The following SPIDR variants were observed in gnomAD, a reference collection of about 807,000 sequenced individuals.
The protein encoded by SPIDR is scaffold protein involved in DNA repair.
In SPIDR, 93 loss-of-function variants were observed where a neutral mutation model predicts 104.6. The observed-to-expected ratio is 0.89, with a 90% confidence interval of 0.75 to 1.06. SPIDR has a LOEUF of 1.06. Ranked by LOEUF, SPIDR falls within the 50% of genes least tolerant of loss-of-function variation. The probability of loss-of-function intolerance (pLI) is 0.00; values close to 1 mark genes in which losing one functional copy is unlikely to be tolerated. For missense variants in SPIDR, 1,154 were observed against 1,111.2 expected (o/e 1.04, Z -0.55); for synonymous variants, 431 against 416.9 (o/e 1.03, Z -0.41).
At chr8:47,467,859 C>T (rs564605260) in intron 8 of SPIDR, among the ~76,000 whole-genome samples, 298 of 152,202 alleles carry the variant, frequency 2.0e-3, no homozygotes, top group Non-Finnish European at 3.0e-3. Context: ...CTGGCCAGGA[C>T]AGTCAGGCAA....
intron 7 of SPIDR, among the ~76,000 whole-genome samples, chr8:47,427,451 C>A (rs2066601136): frequency 6.6e-5 from 10 of 152,056 alleles, no homozygotes; most frequent in Admixed American, 6.6e-4. Context: ...ATTAATACTT[C>A]TATGTCAGGA....
intron 10 of SPIDR, among the ~76,000 whole-genome samples, chr8:47,609,208 A>G (rs2063329206): frequency 6.6e-6 from 1 of 151,908 alleles, no homozygotes. Context: ...CACTTTTTTG[A>G]TAGTGTCCTT....
chr8:47,333,832 T>G (rs1334248546), intron 5 of SPIDR, among the ~76,000 whole-genome samples: 1 of 152,194 alleles, frequency 6.6e-6, no homozygotes, highest in African/African-American at 2.4e-5. Context: ...TCAGCTCCAT[T>G]GTAATCTTAC....
At position 47,327,231 on chromosome 8, in the gene SPIDR, G is replaced by A. The variant is rs114844112; in HGVS notation, c.525+33201G>A. ...AGCACTGTTTCATGTGGTGGTTGGT[G>A]ATCTGAATATCTTCTTGGAAAAAAT... On this transcript the variant is annotated intron_variant, in intron 5 of 19. Coordinates refer to ENST00000297423, the MANE Select transcript of SPIDR (RefSeq NM_001080394.4). Among the ~76,000 whole-genome samples, 761 of 152,174 alleles carry A rather than the reference G, an allele frequency of 5.0e-3. 8 individuals carry two copies. Among genetic ancestry groups the A allele is most frequent in the African/African-American group, 0.017 (721 of 41,496 alleles).
intron 10 of SPIDR, among the ~76,000 whole-genome samples, chr8:47,648,317 G>A (rs747073504): frequency 1.4e-4 from 22 of 152,228 alleles, no homozygotes; most frequent in Non-Finnish European, 3.1e-4. Context: ...AGAAAATTCA[G>A]GAGGGAGAAC....
intron 4 of SPIDR, 147 bp downstream of exon 4, chr8:47,291,284 T>C (rs2039856489): frequency 3.8e-6 from 2 of 528,118 alleles, no homozygotes. Context: ...AAACTTACAT[T>C]CCTTTCTAGT....
At chr8:47,300,713 G>T (rs1405254259) in intron 5 of SPIDR, among the ~76,000 whole-genome samples, 1 of 152,224 alleles carries the variant, frequency 6.6e-6, no homozygotes, top group Admixed American at 6.5e-5. Context: ...GTACCCAGCA[G>T]TCATTCAGGA....
chr8:47,404,848 A>G (rs2062491773), intron 6 of SPIDR, among the ~76,000 whole-genome samples: 1 of 152,228 alleles, frequency 6.6e-6, no homozygotes, highest in African/African-American at 2.4e-5. Flanking sequence ...CAATCCTATT[A>G]CTGGATATAT....
At chr8:47,343,071 T>C (rs1463667387) in intron 5 of SPIDR, among the ~76,000 whole-genome samples, 2 of 152,202 alleles carry the variant, frequency 1.3e-5, no homozygotes, top group Non-Finnish European at 2.9e-5. Context: ...GTTTTGAAGA[T>C]TGTAGCCTTG....
intron 6 of SPIDR, among the ~76,000 whole-genome samples, chr8:47,405,566 T>G (rs976245840): frequency 2.4e-4 from 37 of 152,318 alleles, no homozygotes; most frequent in Non-Finnish European, 4.9e-4. Flanking sequence ...TTTATAGAAA[T>G]GTTTACCAAT....
intron 8 of SPIDR, among the ~76,000 whole-genome samples, chr8:47,542,913 A>G (rs571827284): frequency 4.6e-5 from 7 of 152,346 alleles, no homozygotes; most frequent in African/African-American, 1.4e-4. Context: ...TTGCATTTCA[A>G]TAATGCTATG....
At chr8:47,360,244 CAAAAAAAAAAAAAAAAAA>C (rs1186187617) in intron 5 of SPIDR, among the ~76,000 whole-genome samples, 1 of 38,960 alleles carries the variant, frequency 2.6e-5, no homozygotes, top group Non-Finnish European at 4.0e-5. Context: ...GACTCCATCT[CAAAAAAAAAAAAAAAAAA>C]AAAAAAAAAG....
Position 47,659,425 on chromosome 8 carries a change from G to A in SPIDR, c.1545-14376G>A, listed in dbSNP as rs922926994. On this transcript the variant is annotated intron_variant, in intron 10 of 19. Transcript: ENST00000297423. ...TTTTAAATGAATAAAAAACATTTCT[G>A]TGCAGTAGAAGTCGTGCTAACATCT... Among the ~76,000 whole-genome samples, 8 of 152,340 alleles carry A rather than the reference G, an allele frequency of 5.3e-5. No individual in the cohort carries two copies. In the East Asian group the frequency reaches 1.3e-3, roughly 26 times the overall value.
intron 8 of SPIDR, among the ~76,000 whole-genome samples, chr8:47,564,356 C>CAT (rs2057501742): frequency 6.6e-6 from 1 of 151,784 alleles, no homozygotes; most frequent in African/African-American, 2.4e-5. Context: ...GGATTACAGG[C>CAT]ATGAGCCACC....
rs1586474380 is a variant in SPIDR, at chr8:47,294,030, G to A, written c.525G>A (p.Lys175=). 11 of 1,610,920 alleles carry A rather than the reference G, an allele frequency of 6.8e-6. No homozygotes were observed. Among genetic ancestry groups the A allele is most frequent in the Non-Finnish European group, 7.6e-6 (9 of 1,178,980 alleles). The change falls in exon 5 of 20, where the codon AAG becomes AAA. Residue 175 remains lysine, a splice_region_variant and synonymous_variant. Transcript: ENST00000297423. The part of the protein sequence containing the change: ...TSDEKLSELP[K]PSSIEILEYS... ...ATGAGAAGCTGTCGGAGCTTCCCAA[G>A]GTAAGAATGAAGTATTTCAAAACTT...
chr8:47,678,705 C>T (rs971279394), intron 11 of SPIDR, among the ~76,000 whole-genome samples: 13 of 152,270 alleles, frequency 8.5e-5, no homozygotes, highest in African/African-American at 3.1e-4. Flanking sequence ...GCCCACACAG[C>T]CATTTCATCC....
At chr8:47,426,076 C>G (rs1344228265) in intron 7 of SPIDR, among the ~76,000 whole-genome samples, 1 of 149,108 alleles carries the variant, frequency 6.7e-6, no homozygotes, top group Non-Finnish European at 1.5e-5. Flanking sequence ...AACCCTGCCT[C>G]TACTACGATA....
chr8:47,504,203 T>G (rs936591580), intron 8 of SPIDR, among the ~76,000 whole-genome samples: 1 of 152,210 alleles, frequency 6.6e-6, no homozygotes, highest in Non-Finnish European at 1.5e-5. Flanking sequence ...TTGGGGAAGT[T>G]CTCCTGGATA....
chr8:47,266,542 G>C (rs1285163239), intron 1 of SPIDR, among the ~76,000 whole-genome samples: 7 of 152,112 alleles, frequency 4.6e-5, no homozygotes, highest in African/African-American at 1.7e-4. Flanking sequence ...TTCAGGTTTT[G>C]GTTATTGCAA....
Sources: allele counts gnomAD v4.1 joint callset (sites outside exome capture counted in the v4.1 genomes callset), GRCh38; gene constraint gnomAD v4.1.1; transcripts MANE v1.5; gene names NCBI Gene and HGNC (gene_info 2026-07-23, HGNC 2026-07-21).